The following MYO3B variants were observed in gnomAD, a reference collection of about 807,000 sequenced individuals.
MYO3B encodes the protein myosin-IIIb.
A neutral mutation model predicts 174.6 loss-of-function variants in MYO3B; 156 were observed. The observed-to-expected ratio is 0.89, with a 90% CI of 0.78 to 1.02. MYO3B has a LOEUF of 1.02. Among genes scored for constraint, MYO3B ranks in the 50% least tolerant of loss-of-function variants. The pLI is 0.00. For missense variants in MYO3B, 1,632 were observed against 1,639.4 expected, an observed-to-expected ratio of 1.00 and a Z score of 0.08; for synonymous variants, 563 against 569.1, an observed-to-expected ratio of 0.99 and a Z score of 0.15.
intron 32 of MYO3B, among the ~76,000 whole-genome samples, chr2:170,649,378 AT>A (rs1559202689): frequency 5.4e-5 from 3 of 55,702 alleles, no homozygotes; most frequent in Non-Finnish European, 1.0e-4. Flanking sequence ...AAAAATATAA[AT>A]ATATTATATA....
chr2:170,500,356 C>T (rs964526244), intron 27 of MYO3B, among the ~76,000 whole-genome samples: 16 of 152,168 alleles, frequency 1.1e-4, no homozygotes, highest in African/African-American at 3.9e-4. Context: ...CAAAGTTCAT[C>T]TGACCTCTGG....
intron 7 of MYO3B, among the ~76,000 whole-genome samples, chr2:170,267,394 G>A (rs371236202): frequency 3.9e-5 from 6 of 152,314 alleles, no homozygotes; most frequent in African/African-American, 1.4e-4. Flanking sequence ...TAATTATAAG[G>A]CTGGGAATAT....
At chr2:170,624,569 C>T (rs1354438201) in intron 32 of MYO3B, among the ~76,000 whole-genome samples, 1 of 152,136 alleles carries the variant, frequency 6.6e-6, no homozygotes, top group Non-Finnish European at 1.5e-5. Context: ...CTTTCTCCTG[C>T]CTGATTGCCC....
chr2:170,645,303 T>G (rs1698279966), intron 32 of MYO3B, among the ~76,000 whole-genome samples: 1 of 151,810 alleles, frequency 6.6e-6, no homozygotes, highest in African/African-American at 2.4e-5. Flanking sequence ...AAACCCCATC[T>G]CTACTAAAAA....
chr2:170,311,274 C>T (rs1223759934), intron 7 of MYO3B, among the ~76,000 whole-genome samples: 1 of 151,992 alleles, frequency 6.6e-6, no homozygotes, highest in Non-Finnish European at 1.5e-5. Flanking sequence ...ACATTTGCTC[C>T]AACACTTTTT....
intron 7 of MYO3B, among the ~76,000 whole-genome samples, chr2:170,282,844 G>A (rs1208607819): frequency 6.6e-6 from 1 of 152,088 alleles, no homozygotes; most frequent in African/African-American, 2.4e-5. Flanking sequence ...GGTTGCTATC[G>A]GTGATAGCCA....
chr2:170,237,091 C>G (rs763519556), intron 7 of MYO3B, among the ~76,000 whole-genome samples: 1 of 152,174 alleles, frequency 6.6e-6, no homozygotes, highest in Non-Finnish European at 1.5e-5. Context: ...AAAAATGATT[C>G]CCACCCAAGC....
At chr2:170,231,682 T>C (rs2093017821) in intron 6 of MYO3B, among the ~76,000 whole-genome samples, 1 of 152,232 alleles carries the variant, frequency 6.6e-6, no homozygotes, top group Admixed American at 6.5e-5. Flanking sequence ...CAGCATATTT[T>C]CATAGACCTT....
At chr2:170,503,459 C>CT (rs10650053) in intron 28 of MYO3B, among the ~76,000 whole-genome samples, 35,512 of 97,516 alleles carry the variant, frequency 0.36, 12,319 homozygotes, top group South Asian at 0.56. Flanking sequence ...GGGTGTCTCC[C>CT]TTTTTTTTTT....
chr2:170,204,807 G>A lies in MYO3B; in HGVS notation c.321+4523G>A, dbSNP rs1011679112. Among the ~76,000 whole-genome samples the A allele has an allele frequency of 3.4e-4, 51 of 152,130 alleles. 1 individual carries two copies. Among genetic ancestry groups the A allele is most frequent in the African/African-American group, 1.1e-3 (47 of 41,426 alleles). ...CCTCAGGGCTGGGGTGGGAGGCTTG[G>A]TTGCCTTCTTACAATTCTAAAGGGA... On this transcript the variant is annotated intron_variant, in intron 3 of 34. Coordinates refer to ENST00000408978, the MANE Select transcript of MYO3B (RefSeq NM_138995.5).
At position 170,503,581 on chromosome 2, in the gene MYO3B, GC is replaced by G. The variant is rs1687424211; in HGVS notation, c.3370+1718del. Among the ~76,000 whole-genome samples the G allele has an allele frequency of 2.0e-5, 3 of 147,026 alleles. No individual in the cohort carries two copies. In the South Asian group the frequency reaches 6.6e-4, roughly 32 times the overall value. On this transcript the variant is annotated intron_variant, in intron 28 of 34. Coordinates refer to ENST00000408978, the MANE Select transcript of MYO3B (RefSeq NM_138995.5). ...AGGACTTTAGAAAACACATTAAGGT[GC>G]CTTCCTTTTTTTTAGCCTTGCAAGC...
intron 23 of MYO3B, among the ~76,000 whole-genome samples, chr2:170,460,020 C>G (rs1307468719): frequency 1.3e-5 from 2 of 152,086 alleles, no homozygotes; most frequent in Non-Finnish European, 2.9e-5. Flanking sequence ...TTTACCTCCC[C>G]GCAAGCAGAA....
At chr2:170,189,031 G>T (rs1472563631) in intron 1 of MYO3B, among the ~76,000 whole-genome samples, 1 of 152,088 alleles carries the variant, frequency 6.6e-6, no homozygotes, top group Admixed American at 6.6e-5. Flanking sequence ...TGGAGGTCAG[G>T]TCTGGTGCTG....
At chr2:170,466,188 C>A (rs1001775555) in intron 24 of MYO3B, among the ~76,000 whole-genome samples, 1 of 152,154 alleles carries the variant, frequency 6.6e-6, no homozygotes, top group African/African-American at 2.4e-5. Flanking sequence ...GATTGTGGAA[C>A]ATCACCTTGG....
At chr2:170,459,736 G>C (rs897243923) in intron 23 of MYO3B, among the ~76,000 whole-genome samples, 3 of 152,304 alleles carry the variant, frequency 2.0e-5, no homozygotes, top group Admixed American at 6.5e-5. Flanking sequence ...ACTGGGGGTG[G>C]GGGGGCTTGG....
At chr2:170,534,100 T>A (rs1448049724) in intron 30 of MYO3B, among the ~76,000 whole-genome samples, 2 of 152,242 alleles carry the variant, frequency 1.3e-5, no homozygotes, top group African/African-American at 4.8e-5. Flanking sequence ...TTCATTACAC[T>A]TCACAGATGT....
At chr2:170,384,080 T>C (rs2094356197) in intron 12 of MYO3B, among the ~76,000 whole-genome samples, 1 of 152,182 alleles carries the variant, frequency 6.6e-6, no homozygotes, top group Non-Finnish European at 1.5e-5. Flanking sequence ...AAAATGTCTC[T>C]AATATGAATA....
chr2:170,620,360 G>C (rs1695808402), intron 32 of MYO3B, among the ~76,000 whole-genome samples: 1 of 152,224 alleles, frequency 6.6e-6, no homozygotes, highest in Non-Finnish European at 1.5e-5. Context: ...TCTAGAGACA[G>C]AGTGCCTGAG....
At chr2:170,647,078 A>G in intron 32 of MYO3B, 1 of 341,990 alleles carries the variant, frequency 2.9e-6, no homozygotes, top group East Asian at 8.6e-5. Flanking sequence ...TACAGCTGAG[A>G]TACTCCATTT....
Sources: allele counts gnomAD v4.1 joint callset (sites outside exome capture counted in the v4.1 genomes callset), GRCh38; gene constraint gnomAD v4.1.1; transcripts MANE v1.5; gene names NCBI Gene and HGNC (gene_info 2026-07-23, HGNC 2026-07-21).